The following LRRTM3 variants were observed in gnomAD, a reference collection of about 807,000 sequenced individuals.
LRRTM3 encodes leucine-rich repeat transmembrane neuronal protein 3.
LRRTM3 carries 24 observed loss-of-function variants against 44.7 expected under a neutral mutation model. The ratio of observed to expected loss-of-function variants is 0.54; its 90% CI spans 0.39 to 0.76. The LOEUF (loss-of-function observed/expected upper bound fraction) is 0.76. Among genes scored for constraint, LRRTM3 ranks in the 30% least tolerant of loss-of-function variants. The pLI, the probability that LRRTM3 is intolerant of heterozygous loss-of-function variation, is 0.00. For synonymous variants in LRRTM3, 277 were observed against 278.7 expected, an observed-to-expected ratio of 0.99 and a Z score of 0.06; for missense variants, 587 against 702.2, an observed-to-expected ratio of 0.84 and a Z score of 1.85.
chr10:66,942,576 C>G (rs868709744), intron 2 of LRRTM3, among the ~76,000 whole-genome samples: 1,518 of 140,330 alleles, frequency 0.011, 16 homozygotes, highest in African/African-American at 0.028. Flanking sequence ...CTCTCTCTCT[C>G]TGTGTGTGTG....
intron 2 of LRRTM3, among the ~76,000 whole-genome samples, chr10:66,934,620 C>T (rs61866208): frequency 6.6e-6 from 1 of 152,164 alleles, no homozygotes; most frequent in Non-Finnish European, 1.5e-5. Context: ...TTAAAGCTTA[C>T]TGTTTTCCTC....
At chr10:66,989,305 A>C (rs1400405936) in intron 2 of LRRTM3, among the ~76,000 whole-genome samples, 1 of 152,202 alleles carries the variant, frequency 6.6e-6, no homozygotes, top group Admixed American at 6.5e-5. Flanking sequence ...TCACATATTT[A>C]ATATATGTCA....
chr10:66,938,606 G>A lies in LRRTM3; in HGVS notation c.1536+10154G>A, dbSNP rs186268194. ...CTTGCTGTCTCAGGGTGGCAGAGTC[G>A]GAAGATAATCCACGTGTGAGTAGAC... is the stretch of plus-strand genomic sequence containing the variant. On this transcript the variant is annotated intron_variant, in intron 2 of 2. Coordinates refer to ENST00000361320, the MANE Select transcript of LRRTM3 (RefSeq NM_178011.5). Among the ~76,000 whole-genome samples the A allele has an allele frequency of 1.3e-3, 201 of 152,230 alleles. 4 individuals are homozygous for A. The South Asian group carries it at 0.019, about 15-fold the overall frequency.
rs773150409 is a variant in LRRTM3, at chr10:67,097,818, G to T, written c.*22G>T. On this transcript the variant is annotated 3_prime_UTR_variant, in exon 3 of 3. Coordinates refer to ENST00000361320, the MANE Select transcript of LRRTM3 (RefSeq NM_178011.5). ...TTAACTGAGATCATTGGTAGCCAGG[G>T]GTTGCTACCAAACTTTGTAACCTCA... 1.0e-5 allele frequency: 16 copies of T among 1,606,154 alleles called. 1 individual carries two copies. In the South Asian group the frequency reaches 1.8e-4, roughly 18 times the overall value.
chr10:66,926,854 T>G (rs1847107958), intron 1 of LRRTM3, 67 bp from the exon 2 acceptor site: 8 of 1,382,338 alleles, frequency 5.8e-6, no homozygotes, highest in Non-Finnish European at 5.8e-6. Flanking sequence ...TATATGCCTA[T>G]TTTTGCTTGA....
At chr10:66,980,572 C>A (rs1179588345) in intron 2 of LRRTM3, among the ~76,000 whole-genome samples, 4 of 141,382 alleles carry the variant, frequency 2.8e-5, no homozygotes, top group African/African-American at 1.1e-4. Flanking sequence ...TCCTACCCAC[C>A]TGTGATTAAA....
intron 2 of LRRTM3, among the ~76,000 whole-genome samples, chr10:66,986,647 A>G (rs1004160186): frequency 6.6e-6 from 1 of 152,174 alleles, no homozygotes; most frequent in Non-Finnish European, 1.5e-5. Context: ...AGAATTTTAG[A>G]ATGAATCAAC....
At chr10:67,050,320 G>A (rs1855005113) in intron 2 of LRRTM3, among the ~76,000 whole-genome samples, 1 of 152,246 alleles carries the variant, frequency 6.6e-6, no homozygotes, top group East Asian at 1.9e-4. Flanking sequence ...CCTTTCTTGA[G>A]CGTTCGGTCT....
chr10:67,006,405 C>G (rs1851992104), intron 2 of LRRTM3, among the ~76,000 whole-genome samples: 2 of 152,156 alleles, frequency 1.3e-5, no homozygotes, highest in African/African-American at 4.8e-5. Flanking sequence ...CTCTTTCTCC[C>G]TCTTTCTGTG....
chr10:67,066,036 ACTG>A (rs1339764986), intron 2 of LRRTM3, among the ~76,000 whole-genome samples: 2 of 152,088 alleles, frequency 1.3e-5, no homozygotes, highest in Non-Finnish European at 2.9e-5. Flanking sequence ...ATTTTAGAGA[ACTG>A]ATGATCTATG....
intron 2 of LRRTM3, among the ~76,000 whole-genome samples, chr10:66,930,895 TC>T (rs1398527965): frequency 2.6e-5 from 4 of 152,138 alleles, no homozygotes; most frequent in Admixed American, 2.6e-4. Context: ...TCTTTCTTTC[TC>T]CTCACTCTTT....
intron 2 of LRRTM3, among the ~76,000 whole-genome samples, chr10:67,061,696 G>A (rs998896992): frequency 6.6e-6 from 1 of 152,174 alleles, no homozygotes; most frequent in African/African-American, 2.4e-5. Flanking sequence ...TGATGAAAGA[G>A]AAACGATATT....
Position 67,098,910 on chromosome 10 carries a change from T to C in LRRTM3, c.*1114T>C, listed in dbSNP as rs1246326726. ...TTTATTTAGAACTGTGAGACCGGTA[T>C]TTTGGAAACATTTCAAAGGAAACAT... On this transcript the variant is annotated 3_prime_UTR_variant, in exon 3 of 3. Coordinates refer to ENST00000361320, the MANE Select transcript of LRRTM3 (RefSeq NM_178011.5). The C allele has an allele frequency of 1.3e-5, 2 of 151,898 alleles. No homozygotes were observed. Among genetic ancestry groups the C allele is most frequent in the African/African-American group, 2.4e-5 (1 of 41,410 alleles). 9.4% of individuals were successfully genotyped at this position (151,898 alleles called of 1,614,324 possible).
At chr10:67,069,924 A>G (rs1215044408) in intron 2 of LRRTM3, among the ~76,000 whole-genome samples, 1 of 152,160 alleles carries the variant, frequency 6.6e-6, no homozygotes, top group Non-Finnish European at 1.5e-5. Context: ...TCCTGCATGT[A>G]TATCTAGAAG....
chr10:67,034,599 G>A (rs1589637559), intron 2 of LRRTM3, among the ~76,000 whole-genome samples: 1 of 151,942 alleles, frequency 6.6e-6, no homozygotes, highest in Non-Finnish European at 1.5e-5. Context: ...CCAAATTCAG[G>A]TCTTTACTAA....
intron 2 of LRRTM3, among the ~76,000 whole-genome samples, chr10:67,042,019 G>A (rs931670964): frequency 1.3e-5 from 2 of 152,114 alleles, no homozygotes; most frequent in Admixed American, 6.6e-5. Context: ...TACGTGTGAA[G>A]GGATAGGAGA....
At chr10:67,078,932 G>T (rs1464427629) in intron 2 of LRRTM3, among the ~76,000 whole-genome samples, 2 of 152,208 alleles carry the variant, frequency 1.3e-5, no homozygotes, top group Non-Finnish European at 2.9e-5. Context: ...CAATGCAGTA[G>T]ACCACTTCAT....
At chr10:66,952,309 G>C (rs1037316206) in intron 2 of LRRTM3, among the ~76,000 whole-genome samples, 5 of 152,196 alleles carry the variant, frequency 3.3e-5, no homozygotes, top group Non-Finnish European at 4.4e-5. Context: ...AAAAGAGACA[G>C]ATGTCACTTT....
intron 2 of LRRTM3, among the ~76,000 whole-genome samples, chr10:67,007,686 T>G (rs929512332): frequency 6.6e-6 from 1 of 151,982 alleles, no homozygotes; most frequent in African/African-American, 2.4e-5. Context: ...TTCCCACCAT[T>G]TTAAAATCCA....
Sources: gnomAD v4.1 joint callset for allele counts (sites outside exome capture counted in the v4.1 genomes callset) on GRCh38, gnomAD v4.1.1 for gene constraint, MANE v1.5 for transcripts, NCBI Gene and HGNC (gene_info 2026-07-23, HGNC 2026-07-21) for gene names.